Variants in AGRN observed in about 807,000 individuals in gnomAD.
AGRN encodes the protein agrin proteoglycan.
Under a neutral mutation model 211.0 loss-of-function variants are expected in AGRN, and 106 were observed. The ratio of observed to expected loss-of-function variants is 0.50; its 90% CI spans 0.43 to 0.59. AGRN has a LOEUF of 0.59. Ranked by LOEUF, AGRN falls within the 20% of genes least tolerant of loss-of-function variation. The pLI, the probability that AGRN is intolerant of heterozygous loss-of-function variation, is 0.00. For synonymous variants in AGRN, 1,525 were observed against 1,332.5 expected, an observed-to-expected ratio of 1.14 and a Z score of -3.15; for missense variants, 3,040 against 2,982.6, an observed-to-expected ratio of 1.02 and a Z score of -0.45.
Position 1,042,048 on chromosome 1 carries a change from G to T in AGRN, c.1270G>T (p.Ala424Ser). 6.2e-7 allele frequency: 1 copy of T among 1,608,692 alleles called. No homozygotes were observed. The highest frequency in any genetic ancestry group is 8.5e-7 in the Non-Finnish European group (1 of 1,179,542). ...CTGCGACCGCGTCACCTGTGACGGG[G>T]CCTACAGGCCCGTGTGTGCCCAGGA... ...CSCDRVTCDG[A>S]YRPVCAQDGR... The change falls in exon 7 of 36, where the codon GCC becomes TCC. Residue 424 changes from alanine to serine, a missense_variant. Ala to Ser is a moderately conservative substitution (Grantham distance 99, BLOSUM62 1). Transcript: ENST00000379370.
At chr1:1,020,853 G>GGGA (rs1553170891) in intron 1 of AGRN, among the ~76,000 whole-genome samples, 1 of 151,034 alleles carries the variant, frequency 6.6e-6, no homozygotes, top group East Asian at 2.0e-4. Flanking sequence ...GGTGCGGGGG[G>GGGA]GGGGCGTGCA....
chr1:1,055,604 G>A lies in AGRN; in HGVS notation c.*623G>A, dbSNP rs8014. 153,000 of 173,102 alleles carry A rather than the reference G, an allele frequency of 0.88. 67,761 individuals are homozygous for A. The highest frequency in any genetic ancestry group is 1 in the East Asian group (6,116 of 6,118). 10.7% of individuals were successfully genotyped at this position (173,102 alleles called of 1,614,324 possible). A position where few individuals can be genotyped will look rare whatever the true frequency, so the allele number is the denominator to read the frequency against. On this transcript the variant is annotated 3_prime_UTR_variant, in exon 36 of 36. Transcript: ENST00000379370. Reference sequence around the variant, plus strand: ...CTGGCCCTGCCCAGCCACCCTGGACGTGACCGTATCCCTCTGCCACACCCC... The same window carrying A: ...CTGGCCCTGCCCAGCCACCCTGGACATGACCGTATCCCTCTGCCACACCCC...
Position 1,043,845 on chromosome 1 carries a change from T to C in AGRN, c.1821T>C (p.Cys607=), listed in dbSNP as rs772080197. ...GPCETCGDAV[C]AFGAVCSAGQ... ...CAGAGACCTGTGGAGATGCCGTGTG[T>C]GCTTTTGGGGCTGTGTGCTCCGCAG... The change falls in exon 10 of 36, where the codon TGT becomes TGC. Residue 607 remains cysteine, a synonymous_variant. Transcript: ENST00000379370. The C allele has an allele frequency of 1.9e-6, 3 of 1,611,518 alleles. No homozygotes were observed. The highest frequency in any genetic ancestry group is 2.5e-6 in the Non-Finnish European group (3 of 1,179,820).
intron 2 of AGRN, among the ~76,000 whole-genome samples, chr1:1,029,416 A>ATAT (rs1644599649): frequency 3.4e-5 from 2 of 59,528 alleles, no homozygotes; most frequent in African/African-American, 1.1e-4. Context: ...GGTGGGGGGG[A>ATAT]CATCAGTGTC....
chr1:1,049,116 G>GGC, intron 24 of AGRN, 57 bp downstream of exon 24: 1 of 934,000 alleles, frequency 1.1e-6, no homozygotes, highest in South Asian at 1.9e-5. Context: ...GGGGACGGGC[G>GGC]GGGGAGGGGG....
chr1:1,033,814 C>G (rs1185691128), intron 2 of AGRN, among the ~76,000 whole-genome samples: 4 of 145,124 alleles, frequency 2.8e-5, no homozygotes, highest in African/African-American at 1.0e-4. Context: ...CCGGGCCCAG[C>G]CCCAGCCCCA....
intron 3 of AGRN, among the ~76,000 whole-genome samples, chr1:1,036,607 G>A (rs891343193): frequency 6.6e-6 from 1 of 152,138 alleles, no homozygotes; most frequent in Non-Finnish European, 1.5e-5. Flanking sequence ...GAGGAGCTGG[G>A]CAGCGGGAAT....
At chr1:1,026,830 A>G (rs3128126) in intron 2 of AGRN, among the ~76,000 whole-genome samples, 54,156 of 152,168 alleles carry the variant, frequency 0.36, 10,164 homozygotes, top group Non-Finnish European at 0.4. Context: ...ATATCACCCC[A>G]TGGACAGTCG....
At chr1:1,035,177 G>C (rs897156502) in intron 2 of AGRN, 100 bp from the exon 3 acceptor site, 25 of 1,238,008 alleles carry the variant, frequency 2.0e-5, no homozygotes, top group Middle Eastern at 5.2e-4. Context: ...GGTGGGGGGG[G>C]GGGGGTGGGC....
At position 1,048,712 on chromosome 1, in the gene AGRN, A is replaced by G. The variant is rs1645174216; in HGVS notation, c.4106-155A>G. The G allele has an allele frequency of 2.0e-5, 18 of 906,064 alleles. No homozygotes were observed. The South Asian group carries it at 3.1e-4, about 15-fold the overall frequency. 56.1% of individuals were successfully genotyped at this position (906,064 alleles called of 1,614,324 possible). On this transcript the variant is annotated intron_variant, in intron 23 of 35. Transcript: ENST00000379370. This position sits in a 1 kb window ranked among gnomAD's most constrained non-coding sequence, Gnocchi z 5.9. ...AACCTGGCAGGCGGAGGTTGCGGTG[A>G]GCCAGGATCGCGCCACTGCACTCCA...
In AGRN at chr1:1,050,062, C is replaced by T. The variant is rs571976305; in HGVS notation, c.4879+25C>T. On this transcript the variant is annotated intron_variant, in intron 27 of 35. Transcript: ENST00000379370. ...GGTCGGGGGCGTGGGGCTCTCGGGG[C>T]AGGGGGGGGGGGGGGGTTGAACGTT... 3.5e-3 allele frequency: 2,677 copies of T among 755,812 alleles called. 40 individuals carry two copies. The highest frequency in any genetic ancestry group is 0.022 in the South Asian group (1,402 of 62,636). The allele number at this position is 755,812 out of a possible 1,614,324, so 46.8% of individuals were successfully genotyped here.
rs201172100 is a variant in AGRN at position 1,029,810 on chromosome 1, CTG to C, written c.464-5462_464-5461del. ...GTGTGTGTGTATGCAGTGCATGGTG[CTG>C]TGTGAGATCAGCGTGTGTGTGTGTG... On this transcript the variant is annotated intron_variant, in intron 2 of 35. Transcript: ENST00000379370. Among the ~76,000 whole-genome samples, 82 of 74,188 alleles carry C rather than the reference CTG, an allele frequency of 1.1e-3. 3 individuals are homozygous for C. The highest frequency in any genetic ancestry group is 2.4e-3 in the East Asian group (6 of 2,474). The allele number at this position is 74,188 out of a possible 152,430, so 48.7% of individuals were successfully genotyped here. A position where few individuals can be genotyped will look rare whatever the true frequency, so the allele number is the denominator to read the frequency against.
intron 9 of AGRN, 41 bp downstream of exon 9, chr1:1,043,773 C>T (rs761985684): frequency 1.6e-5 from 25 of 1,604,966 alleles, no homozygotes; most frequent in Non-Finnish European, 2.0e-5. Context: ...GGGTCCTGTG[C>T]CTCCCTCAGC....
At chr1:1,043,023 G>A (rs111912948) in intron 7 of AGRN, among the ~76,000 whole-genome samples, 1 of 152,128 alleles carries the variant, frequency 6.6e-6, no homozygotes, top group East Asian at 1.9e-4. Context: ...AGCCTCGCCC[G>A]CAGCCACCGG....
rs748163945 is a variant in AGRN at position 1,043,724 on chromosome 1, G to A, written c.1790G>A (p.Gly597Glu). The A allele has an allele frequency of 6.2e-7, 1 of 1,601,184 alleles. No individual in the cohort carries two copies. Among genetic ancestry groups the A allele is most frequent in the Non-Finnish European group, 8.5e-7 (1 of 1,179,774 alleles). The change falls in exon 9 of 36, where the codon GGA becomes GAA. Residue 597 changes from glycine (G) to glutamate (E), a missense_variant. Physicochemically the swap from Gly to Glu is moderately conservative, Grantham distance 98. This residue lies in a region of AGRN where 1,498 missense variants were observed against 1,457.8 expected (regional missense o/e 1.03). Coordinates refer to ENST00000379370, the MANE Select transcript of AGRN (RefSeq NM_198576.4). ...HQISLHVASA[G>E]PCETCGDAVC... Reference sequence around the variant, plus strand: ...ATCAGCCTGCACGTGGCCTCAGCTGGACCCTGTGGTGAGTGAGGCCCTGGG... The same window carrying A: ...ATCAGCCTGCACGTGGCCTCAGCTGAACCCTGTGGTGAGTGAGGCCCTGGG...
intron 2 of AGRN, among the ~76,000 whole-genome samples, chr1:1,027,540 G>A (rs1644547126): frequency 1.3e-5 from 2 of 152,340 alleles, no homozygotes; most frequent in Non-Finnish European, 1.5e-5. Context: ...ACGCTGCCCC[G>A]TGTCTGGCAA....
At chr1:1,037,923 G>T (rs111941407) in intron 3 of AGRN, among the ~76,000 whole-genome samples, 1 of 152,178 alleles carries the variant, frequency 6.6e-6, no homozygotes, top group South Asian at 2.1e-4. Context: ...AGGTGATCTC[G>T]TGTGGAGCCT....
chr1:1,022,420 A>G lies in AGRN; in HGVS notation c.421A>G (p.Ile141Val). Residue 141 changes from isoleucine (I) to valine (V), a missense_variant, in exon 2 of 36, where the codon ATC (isoleucine) becomes GTC (valine). Around this residue, in one of 3 missense-constraint regions of AGRN, gnomAD observed 1,498 missense variants for 1,457.8 expected, o/e 1.03. Coordinates refer to ENST00000379370, the MANE Select transcript of AGRN (RefSeq NM_198576.4). ...GATGCTCAACTCCAGCCTCATGCGG[A>G]TCACCCTGCGGAACCTGGAGGAGGT... ...ELMLNSSLMR[I>V]TLRNLEEVEF... 6.2e-7 allele frequency: 1 copy of G among 1,612,918 alleles called. No homozygotes were observed. Among genetic ancestry groups the G allele is most frequent in the South Asian group, 1.1e-5 (1 of 91,080 alleles).
rs1235479260 is a variant in AGRN, at chr1:1,043,230, C to T, written c.1385-9C>T. 2 of 1,595,060 alleles carry T rather than the reference C, an allele frequency of 1.3e-6. No homozygotes were observed. Among genetic ancestry groups the T allele is most frequent in the Non-Finnish European group, 1.7e-6 (2 of 1,172,650 alleles). On this transcript the variant is annotated splice_polypyrimidine_tract_variant and intron_variant, in intron 7 of 35. Transcript: ENST00000379370. ...TTGTGGGACCACTGAGCCCCTGTGT[C>T]CTTCCCAGACCAGGCCCCGTCCCCA...
Sources: gnomAD v4.1 joint callset for allele counts (sites outside exome capture counted in the v4.1 genomes callset) on GRCh38, gnomAD v4.1.1 for gene constraint, gnomAD v4.1.1 regional missense constraint, Gnocchi (gnomAD v3.1) non-coding constraint, MANE v1.5 for transcripts, NCBI Gene and HGNC (gene_info 2026-07-23, HGNC 2026-07-21) for gene names.